Variants in PIP4K2A observed in about 807,000 individuals in gnomAD.
The protein encoded by PIP4K2A is phosphatidylinositol-5-phosphate 4-kinase type 2 alpha.
Under a neutral mutation model 42.9 loss-of-function variants are expected in PIP4K2A, and 14 were observed. The ratio of observed to expected loss-of-function variants is 0.33; its 90% confidence interval spans 0.22 to 0.51. The LOEUF (loss-of-function observed/expected upper bound fraction) is 0.51. Among genes scored for constraint, PIP4K2A ranks in the 20% least tolerant of loss-of-function variants. PIP4K2A has a pLI of 0.97. For missense variants in PIP4K2A, 434 were observed against 519.8 expected, an observed-to-expected ratio of 0.83 and a Z score of 1.61; for synonymous variants, 192 against 192.2, an observed-to-expected ratio of 1.00 and a Z score of 0.01.
At chr10:22,688,409 T>C (rs931257333) in intron 1 of PIP4K2A, among the ~76,000 whole-genome samples, 10 of 152,174 alleles carry the variant, frequency 6.6e-5, no homozygotes, top group African/African-American at 2.2e-4. Flanking sequence ...TTGATAGTAG[T>C]GACAGTATCT....
intron 6 of PIP4K2A, among the ~76,000 whole-genome samples, chr10:22,563,364 T>C (rs1836757982): frequency 6.6e-6 from 1 of 152,236 alleles, no homozygotes; most frequent in African/African-American, 2.4e-5. Context: ...GTAAAAGTTT[T>C]ACAAATATGT....
intron 1 of PIP4K2A, among the ~76,000 whole-genome samples, chr10:22,664,208 TATATATATAC>T (rs1564460344): frequency 1.6e-5 from 1 of 62,476 alleles, no homozygotes; most frequent in East Asian, 4.0e-4. Flanking sequence ...TATATACATA[TATATATATAC>T]ATATATATAT....
intron 4 of PIP4K2A, among the ~76,000 whole-genome samples, chr10:22,587,288 C>G (rs1837418696): frequency 6.6e-6 from 1 of 152,040 alleles, no homozygotes; most frequent in Admixed American, 6.5e-5. Flanking sequence ...AAAGTCCATG[C>G]AATTCACTCC....
intron 1 of PIP4K2A, among the ~76,000 whole-genome samples, chr10:22,639,777 C>T (rs1377315964): frequency 6.6e-6 from 1 of 152,076 alleles, no homozygotes; most frequent in Non-Finnish European, 1.5e-5. Flanking sequence ...TTATGAACAC[C>T]ATCAAAACTA....
intron 4 of PIP4K2A, among the ~76,000 whole-genome samples, chr10:22,589,254 A>G (rs1050172553): frequency 6.6e-6 from 1 of 152,252 alleles, no homozygotes; most frequent in African/African-American, 2.4e-5. Flanking sequence ...TAAGTATGAT[A>G]TCAATTTCCA....
chr10:22,574,446 T>TTTG (rs200214437), intron 4 of PIP4K2A, among the ~76,000 whole-genome samples: 5,001 of 124,806 alleles, frequency 0.04, 130 homozygotes, highest in Non-Finnish European at 0.065. Flanking sequence ...CATTTTCTGT[T>TTTG]TTTTTTTTTT....
At chr10:22,599,065 G>A (rs547988209) in intron 3 of PIP4K2A, among the ~76,000 whole-genome samples, 2 of 142,574 alleles carry the variant, frequency 1.4e-5, no homozygotes, top group Non-Finnish European at 3.1e-5. Context: ...GTCTCTTATC[G>A]AATAAATTAA....
intron 6 of PIP4K2A, among the ~76,000 whole-genome samples, chr10:22,555,877 C>T (rs933505552): frequency 4.1e-5 from 6 of 145,158 alleles, no homozygotes; most frequent in African/African-American, 1.3e-4. Context: ...TCAGTGAACA[C>T]TAATGAGAGC....
At chr10:22,630,724 G>A (rs760426807) in intron 1 of PIP4K2A, among the ~76,000 whole-genome samples, 1 of 152,196 alleles carries the variant, frequency 6.6e-6, no homozygotes, top group Non-Finnish European at 1.5e-5. Flanking sequence ...TTGAGCAACA[G>A]CAGAATTCAT....
chr10:22,576,119 C>A (rs2130799857), intron 4 of PIP4K2A, among the ~76,000 whole-genome samples: 1 of 152,136 alleles, frequency 6.6e-6, no homozygotes, highest in Middle Eastern at 3.4e-3. Context: ...TCGAGTACTG[C>A]CAAGCTGCAG....
At chr10:22,638,532 C>A (rs1183927449) in intron 1 of PIP4K2A, among the ~76,000 whole-genome samples, 1 of 152,150 alleles carries the variant, frequency 6.6e-6, no homozygotes, top group Non-Finnish European at 1.5e-5. Context: ...AGGAAGAGTA[C>A]AACAGAACTA....
intron 1 of PIP4K2A, among the ~76,000 whole-genome samples, chr10:22,663,862 T>C (rs1037161977): frequency 3.3e-4 from 50 of 151,082 alleles, no homozygotes; most frequent in Admixed American, 6.0e-4. Context: ...TTCACAATTT[T>C]CCCCCCATTT....
chr10:22,595,515 T>C (rs1780487144), intron 3 of PIP4K2A, among the ~76,000 whole-genome samples: 1 of 152,166 alleles, frequency 6.6e-6, no homozygotes, highest in Non-Finnish European at 1.5e-5. Context: ...CTCAGCGCTT[T>C]GGGGGCTGAG....
intron 1 of PIP4K2A, among the ~76,000 whole-genome samples, chr10:22,700,646 C>T (rs1315038526): frequency 3.9e-5 from 6 of 152,210 alleles, no homozygotes; most frequent in African/African-American, 1.2e-4. Flanking sequence ...GCAATACTGA[C>T]GTCAGCCCCC....
intron 4 of PIP4K2A, among the ~76,000 whole-genome samples, chr10:22,579,230 C>T (rs994946127): frequency 6.6e-6 from 1 of 152,082 alleles, no homozygotes; most frequent in African/African-American, 2.4e-5. Flanking sequence ...GGGACTATTA[C>T]CGCACGTGTA....
At chr10:22,589,819 T>G (rs1837472993) in intron 4 of PIP4K2A, among the ~76,000 whole-genome samples, 1 of 152,214 alleles carries the variant, frequency 6.6e-6, no homozygotes, top group South Asian at 2.1e-4. Flanking sequence ...CCTGCGGCAC[T>G]TTATTTTGAA....
chr10:22,603,211 T>A (rs1837832022), intron 3 of PIP4K2A, among the ~76,000 whole-genome samples: 1 of 152,198 alleles, frequency 6.6e-6, no homozygotes, highest in Non-Finnish European at 1.5e-5. Flanking sequence ...GGGATTCTAA[T>A]TCAGGAGTCA....
intron 1 of PIP4K2A, among the ~76,000 whole-genome samples, chr10:22,693,265 C>G (rs1434219810): frequency 6.6e-6 from 1 of 151,978 alleles, no homozygotes; most frequent in Non-Finnish European, 1.5e-5. Context: ...GTTTTTCTCT[C>G]CCCATCTTTA....
intron 1 of PIP4K2A, among the ~76,000 whole-genome samples, chr10:22,676,489 G>C (rs2130870023): frequency 6.6e-6 from 1 of 152,256 alleles, no homozygotes; most frequent in East Asian, 1.9e-4. Flanking sequence ...GCCAGATCAA[G>C]AGGGGCATTC....
Sources: gnomAD v4.1 joint callset for allele counts (sites outside exome capture counted in the v4.1 genomes callset) on GRCh38, gnomAD v4.1.1 for gene constraint, MANE v1.5 for transcripts, NCBI Gene and HGNC (gene_info 2026-07-23, HGNC 2026-07-21) for gene names.